The following B3GALT1 variants were observed in gnomAD, a reference collection of about 807,000 sequenced individuals.
B3GALT1 encodes the protein UDP-Gal:betaGlcNAc beta 1,3-galactosyltransferase, polypeptide 1.
In B3GALT1, 10 loss-of-function variants were observed where a neutral mutation model predicts 23.2. The ratio of observed to expected loss-of-function variants is 0.43; its 90% CI spans 0.27 to 0.73. The LOEUF is 0.73. Ranked by LOEUF, B3GALT1 falls within the 30% of genes least tolerant of loss-of-function variation. The probability of loss-of-function intolerance (pLI) is 0.21; values close to 1 mark genes in which losing one functional copy is unlikely to be tolerated. For synonymous variants in B3GALT1, 156 were observed against 141.5 expected (o/e 1.10, Z -0.73); for missense variants, 299 against 405.4 (o/e 0.74, Z 2.25).
intron 1 of B3GALT1, among the ~76,000 whole-genome samples, chr2:167,450,113 ATT>A (rs1699064276): frequency 6.6e-6 from 1 of 152,122 alleles, no homozygotes; most frequent in Non-Finnish European, 1.5e-5. Context: ...TCACAGAATG[ATT>A]TAGGGAGAAT....
intron 4 of B3GALT1, among the ~76,000 whole-genome samples, chr2:167,820,997 A>G (rs896561147): frequency 6.6e-6 from 1 of 152,170 alleles, no homozygotes; most frequent in Non-Finnish European, 1.5e-5. Flanking sequence ...GGATTATGAT[A>G]GTTTTTATCA....
At chr2:167,544,835 T>C (rs971223466) in intron 2 of B3GALT1, among the ~76,000 whole-genome samples, 22 of 152,222 alleles carry the variant, frequency 1.4e-4, no homozygotes, top group Admixed American at 9.8e-4. Flanking sequence ...GAAGGGTTCG[T>C]GGTCTCACGG....
intron 1 of B3GALT1, among the ~76,000 whole-genome samples, chr2:167,318,487 A>G (rs1425204789): frequency 6.6e-6 from 1 of 152,040 alleles, no homozygotes; most frequent in African/African-American, 2.4e-5. Flanking sequence ...AACTTTCTGC[A>G]GTCAGGCTCT....
At chr2:167,456,938 C>T (rs967327358) in intron 1 of B3GALT1, among the ~76,000 whole-genome samples, 1 of 152,168 alleles carries the variant, frequency 6.6e-6, no homozygotes, top group Non-Finnish European at 1.5e-5. Context: ...ACTCCACCCC[C>T]TCCTTCGCTC....
At chr2:167,803,207 A>T (rs1688675095) in intron 3 of B3GALT1, among the ~76,000 whole-genome samples, 1 of 152,106 alleles carries the variant, frequency 6.6e-6, no homozygotes, top group African/African-American at 2.4e-5. Context: ...CCTTAAAAAA[A>T]TTGTGGTGAA....
At chr2:167,347,050 C>T (rs1294398860) in intron 1 of B3GALT1, among the ~76,000 whole-genome samples, 2 of 152,078 alleles carry the variant, frequency 1.3e-5, no homozygotes. Context: ...TATCCCAATG[C>T]AATCATTAAA....
chr2:167,620,391 T>C (rs1685235271), intron 2 of B3GALT1, among the ~76,000 whole-genome samples: 1 of 152,104 alleles, frequency 6.6e-6, no homozygotes, highest in Non-Finnish European at 1.5e-5. Context: ...ACTCAAGTTG[T>C]ACAGATCTTT....
At chr2:167,635,303 C>A (rs1178131805) in intron 2 of B3GALT1, among the ~76,000 whole-genome samples, 1 of 152,040 alleles carries the variant, frequency 6.6e-6, no homozygotes, top group Non-Finnish European at 1.5e-5. Context: ...ACAACGATGC[C>A]CTCTCTCACT....
intron 3 of B3GALT1, among the ~76,000 whole-genome samples, chr2:167,814,170 A>T (rs1688945112): frequency 6.6e-6 from 1 of 152,142 alleles, no homozygotes; most frequent in Non-Finnish European, 1.5e-5. Context: ...TTTATTCAGG[A>T]TATTGTTTGA....
chr2:167,478,541 C>T (rs1226783117), intron 1 of B3GALT1, among the ~76,000 whole-genome samples: 3 of 145,094 alleles, frequency 2.1e-5, no homozygotes. Flanking sequence ...GTGAAACCAA[C>T]TTTCTTTTTT....
chr2:167,336,326 G>A (rs1199236447), intron 1 of B3GALT1, among the ~76,000 whole-genome samples: 2 of 152,174 alleles, frequency 1.3e-5, no homozygotes, highest in Non-Finnish European at 2.9e-5. Context: ...TGCTTGGCAA[G>A]TCTTTTATGG....
At chr2:167,561,038 T>C (rs1202028697) in intron 2 of B3GALT1, among the ~76,000 whole-genome samples, 2 of 152,052 alleles carry the variant, frequency 1.3e-5, no homozygotes, top group African/African-American at 4.8e-5. Flanking sequence ...TATTCCAAAA[T>C]TGACCACATA....
At position 167,432,001 on chromosome 2, in the gene B3GALT1, A is replaced by G. The variant is rs192949326; in HGVS notation, c.-510-58176A>G. Among the ~76,000 whole-genome samples, 538 of 152,308 alleles carry G rather than the reference A, an allele frequency of 3.5e-3. 2 individuals carry two copies. Among genetic ancestry groups the G allele is most frequent in the Admixed American group, 8.2e-3 (125 of 15,306 alleles). ...TGAACAAAGAATTTACTCTTAAATC[A>G]TGGGCCTAGAAGAGAAGGATAGTCC... On this transcript the variant is annotated intron_variant, in intron 1 of 4. Transcript: ENST00000392690.
chr2:167,609,372 G>A (rs1340690276), intron 2 of B3GALT1, among the ~76,000 whole-genome samples: 1 of 152,062 alleles, frequency 6.6e-6, no homozygotes, highest in Non-Finnish European at 1.5e-5. Flanking sequence ...GGATCCTTTT[G>A]GCCATAAATA....
rs1558944873 is a variant in B3GALT1, at chr2:167,672,919, G to GAAT, written c.-352+25953_-352+25954insAAT. On this transcript the variant is annotated intron_variant, in intron 3 of 4. Coordinates refer to ENST00000392690, the MANE Select transcript of B3GALT1 (RefSeq NM_020981.4). Reference sequence around the variant, plus strand: ...CAATTATTCTTCAGACCTCATTGAAGGCCTGTAAAACACCAGTAGATTCTA... The same window carrying GAAT: ...CAATTATTCTTCAGACCTCATTGAAGAATGCCTGTAAAACACCAGTAGATTCTA... 9.2e-5 allele frequency among the ~76,000 whole-genome samples: 14 copies of GAAT among 151,682 alleles called. No homozygotes were observed. In the South Asian group the frequency reaches 2.7e-3, roughly 29 times the overall value.
At chr2:167,322,548 T>G (rs531127083) in intron 1 of B3GALT1, among the ~76,000 whole-genome samples, 1 of 152,128 alleles carries the variant, frequency 6.6e-6, no homozygotes, top group East Asian at 1.9e-4. Flanking sequence ...TTGCACAGTT[T>G]ATTTGAACGA....
intron 3 of B3GALT1, among the ~76,000 whole-genome samples, chr2:167,671,239 A>G (rs1686320900): frequency 6.6e-6 from 1 of 152,206 alleles, no homozygotes; most frequent in Non-Finnish European, 1.5e-5. Flanking sequence ...CCCCCATGGA[A>G]AAATGTATAG....
intron 3 of B3GALT1, chr2:167,713,522 C>T (rs1687094423): frequency 1.6e-6 from 1 of 619,418 alleles, no homozygotes; most frequent in African/African-American, 1.9e-5. Context: ...TCTTTATTTA[C>T]AAAATACTGT....
chr2:167,554,504 A>C (rs1318157791), intron 2 of B3GALT1, among the ~76,000 whole-genome samples: 1 of 152,216 alleles, frequency 6.6e-6, no homozygotes, highest in Non-Finnish European at 1.5e-5. Flanking sequence ...AACCAATGTT[A>C]TGCAGATAAT....
Sources: gnomAD v4.1 joint callset for allele counts (sites outside exome capture counted in the v4.1 genomes callset) on GRCh38, gnomAD v4.1.1 for gene constraint, MANE v1.5 for transcripts, NCBI Gene and HGNC (gene_info 2026-07-23, HGNC 2026-07-21) for gene names.